The following SLC35E4 variants were observed in gnomAD, a reference collection of about 807,000 sequenced individuals.
The protein encoded by SLC35E4 is solute carrier family 35, member E4.
Under a neutral mutation model 19.3 loss-of-function variants are expected in SLC35E4, and 15 were observed. That is an observed-to-expected ratio of 0.78 (90% CI 0.52 to 1.20). The LOEUF (loss-of-function observed/expected upper bound fraction) is 1.20. SLC35E4 is among the 50% of genes most tolerant of loss of function. SLC35E4 has a pLI of 0.00. For synonymous variants in SLC35E4, 219 were observed against 219.9 expected, an observed-to-expected ratio of 1.00 and a Z score of 0.04; for missense variants, 406 against 472.3, an observed-to-expected ratio of 0.86 and a Z score of 1.30.
At chr22:30,641,668 C>G (rs1453191128) in intron 1 of SLC35E4, among the ~76,000 whole-genome samples, 1 of 151,268 alleles carries the variant, frequency 6.6e-6, no homozygotes, top group Non-Finnish European at 1.5e-5. Flanking sequence ...GCCTCAGCCT[C>G]CTGAGTAGCT....
chr22:30,659,187 G>A (rs1258534109), intron 2 of SLC35E4, among the ~76,000 whole-genome samples: 3 of 150,668 alleles, frequency 2.0e-5, no homozygotes, highest in African/African-American at 7.3e-5. Flanking sequence ...TAGCCCACAG[G>A]AGACAGATGA....
chr22:30,662,580 A>G (rs1427225861), exon 3 of SLC35E4: 3 of 152,118 alleles, frequency 2.0e-5, no homozygotes, highest in Non-Finnish European at 4.4e-5. Context: ...GCTCATCAAC[A>G]CTTTGGGAGG....
chr22:30,650,116 G>A (rs1416859930), downstream of SLC35E4, among the ~76,000 whole-genome samples: 1 of 149,346 alleles, frequency 6.7e-6, no homozygotes, highest in African/African-American at 2.5e-5. Flanking sequence ...CGGATCACCT[G>A]AAGTCAGGAG....
At chr22:30,644,402 C>T (rs1166340149) in intron 1 of SLC35E4, among the ~76,000 whole-genome samples, 1 of 152,200 alleles carries the variant, frequency 6.6e-6, no homozygotes, top group Non-Finnish European at 1.5e-5. Flanking sequence ...CATCTCTCTC[C>T]ACTAACTTGG....
At chr22:30,640,751 C>T (rs2088024660) in intron 1 of SLC35E4, among the ~76,000 whole-genome samples, 1 of 152,186 alleles carries the variant, frequency 6.6e-6, no homozygotes, top group Non-Finnish European at 1.5e-5. Flanking sequence ...TTATCTGGGC[C>T]TCAGTTTCCT....
intron 1 of SLC35E4, among the ~76,000 whole-genome samples, chr22:30,642,453 G>T (rs1295492423): frequency 6.6e-6 from 1 of 152,090 alleles, no homozygotes; most frequent in Non-Finnish European, 1.5e-5. Context: ...TATCCAGAAA[G>T]AAGGCTGGGC....
At chr22:30,662,804 G>A (rs1303911074) in exon 3 of SLC35E4, 1 of 152,360 alleles carries the variant, frequency 6.6e-6, no homozygotes, top group Non-Finnish European at 1.5e-5. Flanking sequence ...ACTCTAGGAT[G>A]GGTGACAGAG....
Position 30,647,003 on chromosome 22 carries a change from G to C in SLC35E4, c.1025G>C (p.Arg342Pro). Residue 342 changes from arginine (R) to proline (P), a missense_variant, in exon 2 of 2, where the codon CGG becomes CCG. Transcript: ENST00000343605. ...TGGGCTGCCCGTCGGGGGCTGTGGC[G>C]GAGGGACCAGCCCAGCAAGGGTCTT... ...ASWAARRGLW[R>P]RDQPSKGL 6.2e-7 allele frequency: 1 copy of C among 1,610,042 alleles called. No individual in the cohort carries two copies. The highest frequency in any genetic ancestry group is 2.2e-5 in the East Asian group (1 of 44,856).
chr22:30,663,782 G>C (rs543649664), downstream of SLC35E4: 2 of 1,614,192 alleles, frequency 1.2e-6, no homozygotes, highest in African/African-American at 2.7e-5. Flanking sequence ...GTGAGTTAGG[G>C]GAGTCAGCCA....
chr22:30,664,710 C>T (rs1191347454), downstream of SLC35E4, among the ~76,000 whole-genome samples: 4 of 152,240 alleles, frequency 2.6e-5, no homozygotes, highest in East Asian at 1.9e-4. Flanking sequence ...TATGCCCATG[C>T]GAAGCTGATG....
downstream of SLC35E4, chr22:30,663,333 T>C: frequency 8.2e-7 from 1 of 1,217,080 alleles, no homozygotes; most frequent in Non-Finnish European, 1.1e-6. Flanking sequence ...CATCATCTGT[T>C]TTTTTCTGTA....
At chr22:30,653,570 A>G (rs2088269581) in intron 2 of SLC35E4, among the ~76,000 whole-genome samples, 1 of 151,802 alleles carries the variant, frequency 6.6e-6, no homozygotes, top group Non-Finnish European at 1.5e-5. Context: ...ACTGGGTTTC[A>G]CCATGTTGGC....
chr22:30,649,313 C>T, downstream of SLC35E4: 3 of 709,972 alleles, frequency 4.2e-6, no homozygotes, highest in Non-Finnish European at 7.9e-6. Context: ...TTTCTGGAAA[C>T]CATCTGCAAA....
intron 1 of SLC35E4, among the ~76,000 whole-genome samples, chr22:30,645,638 C>G (rs1243251125): frequency 2.0e-5 from 3 of 149,654 alleles, no homozygotes; most frequent in African/African-American, 7.3e-5. Context: ...ACCTTCAGGG[C>G]CAGGGCAGCC....
chr22:30,640,706 C>T (rs1399985095), intron 1 of SLC35E4, among the ~76,000 whole-genome samples: 2 of 152,218 alleles, frequency 1.3e-5, no homozygotes, highest in African/African-American at 4.8e-5. Context: ...TACCTTTGCT[C>T]ATATTTGCTG....
At chr22:30,641,390 C>T (rs2145577958) in intron 1 of SLC35E4, among the ~76,000 whole-genome samples, 1 of 152,336 alleles carries the variant, frequency 6.6e-6, no homozygotes, top group South Asian at 2.1e-4. Flanking sequence ...GTATCCTCTG[C>T]TCCCCCTATC....
At chr22:30,667,387 G>A (rs1429898807), downstream of SLC35E4, 1 of 152,184 alleles carries the variant, frequency 6.6e-6, no homozygotes, top group African/African-American at 2.4e-5. Flanking sequence ...GGGTGGGCCG[G>A]GTAGGTTTCC....
downstream of SLC35E4, chr22:30,667,165 C>G (rs577584578): frequency 6.6e-6 from 1 of 152,260 alleles, no homozygotes; most frequent in South Asian, 2.1e-4. Flanking sequence ...AGACCGGCGT[C>G]TAGAGTTAAT....
chr22:30,648,771 T>C (rs187227636), downstream of SLC35E4, among the ~76,000 whole-genome samples: 22 of 151,912 alleles, frequency 1.4e-4, no homozygotes, highest in African/African-American at 4.3e-4. Context: ...GGCCAGGAGT[T>C]GGAGGCTGCA....
Sources: allele counts gnomAD v4.1 joint callset (sites outside exome capture counted in the v4.1 genomes callset), GRCh38; gene constraint gnomAD v4.1.1; transcripts MANE v1.5; gene names NCBI Gene and HGNC (gene_info 2026-07-23, HGNC 2026-07-21).